MICALL2: variants seen among roughly 807,000 people sequenced by gnomAD.
The protein encoded by MICALL2 is MICAL like 2.
MICALL2 carries 111 observed loss-of-function variants against 91.1 expected under a neutral mutation model. The ratio of observed to expected loss-of-function variants is 1.22; its 90% CI spans 1.04 to 1.43. The LOEUF is 1.43. Ranked by LOEUF, MICALL2 falls within the 40% of genes most tolerant of loss-of-function variation. MICALL2 has a pLI of 0.00. For missense variants in MICALL2, 1,556 were observed against 1,236.0 expected (o/e 1.26, Z -3.88); for synonymous variants, 694 against 525.3 (o/e 1.32, Z -4.39).
At chr7:1,435,932 G>A (rs1392340126) in intron 15 of MICALL2, among the ~76,000 whole-genome samples, 5 of 150,860 alleles carry the variant, frequency 3.3e-5, no homozygotes, top group African/African-American at 4.9e-5. Context: ...GGCGCCTGTA[G>A]TCCCAGCTAC....
Position 1,459,194 on chromosome 7 carries a change from G to T in MICALL2, c.133C>A (p.Pro45Thr), listed in dbSNP as rs756650881. 7.5e-6 allele frequency: 12 copies of T among 1,610,068 alleles called. No individual in the cohort carries two copies. Among genetic ancestry groups the T allele is most frequent in the Admixed American group, 1.7e-5 (1 of 59,642 alleles). ...CCAGGCAGGACTTACATGAGGTCGG[G>T]CCGGTGGCGGTGCAGGATGGCGCAG... ...AFCAILHRHRPDLINFSALKK... is the reference protein window; with the variant it reads ...AFCAILHRHRTDLINFSALKK... Residue 45 changes from proline to threonine, a missense_variant, in exon 1 of 17, where the codon CCC (proline) becomes ACC (threonine). By Grantham distance (38) the Pro-to-Thr change is conservative. Transcript: ENST00000297508.
intron 1 of MICALL2, among the ~76,000 whole-genome samples, chr7:1,454,066 C>T (rs1052447065): frequency 9.9e-5 from 15 of 151,442 alleles, no homozygotes; most frequent in South Asian, 4.2e-4. Context: ...GCCTCTGCCC[C>T]GGCGCCTCTG....
intron 8 of MICALL2, chr7:1,440,337 C>A (rs1780219390): frequency 1.6e-6 from 1 of 620,356 alleles, no homozygotes; most frequent in Non-Finnish European, 2.8e-6. Context: ...CATGGGGAGA[C>A]TCCACCCCAG....
chr7:1,438,901 C>G lies in MICALL2; in HGVS notation c.2061G>C (p.Gln687His). ...CCTTCCAGCTCTGCACTCGGGCTTCCTGGCCAGGGGGCTCCGGCCGAAGCC... is the reference window on the plus strand; with the variant it reads ...CCTTCCAGCTCTGCACTCGGGCTTCGTGGCCAGGGGGCTCCGGCCGAAGCC... ...DNWLRPEPPG[Q>H]EARVQSWKEE... The change falls in exon 10 of 17, where the codon CAG (glutamine) becomes CAC (histidine). Residue 687 changes from glutamine to histidine, a missense_variant. By Grantham distance (24) the Gln-to-His change is conservative. Transcript: ENST00000297508. The G allele has an allele frequency of 6.2e-7, 1 of 1,610,462 alleles. No individual in the cohort carries two copies. The highest frequency in any genetic ancestry group is 8.5e-7 in the Non-Finnish European group (1 of 1,179,532).
intron 8 of MICALL2, 46 bp downstream of exon 8, chr7:1,440,545 C>T: frequency 2.0e-6 from 3 of 1,511,222 alleles, no homozygotes; most frequent in Admixed American, 3.3e-5. Context: ...ATTTATTAAG[C>T]ACCTATGGTG....
At position 1,458,273 on chromosome 7, in the gene MICALL2, C is replaced by T. The variant is rs554649706; in HGVS notation, c.143+911G>A. On this transcript the variant is annotated intron_variant, in intron 1 of 16. Transcript: ENST00000297508. ...CTCGGTTCTCTGGTCTGCACAGCTG[C>T]GGCCTGACAGAGGCCCCAGGTGCTG... Among the ~76,000 whole-genome samples the T allele has an allele frequency of 9.0e-4, 137 of 152,300 alleles. 1 individual carries two copies. Among genetic ancestry groups the T allele is most frequent in the African/African-American group, 3.2e-3 (135 of 41,574 alleles).
rs781240425 is a variant in MICALL2 at position 1,448,725 on chromosome 7, C to T, written c.229G>A (p.Ala77Thr). Reference protein sequence around the residue: ...RVAEEHLGIPALLDAEDMVAL... With the variant: ...RVAEEHLGIPTLLDAEDMVAL... ...ACCATGTCCTCGGCATCCAGCAAGG[C>T]TGGGATGCCCAAGTGCTCCTCGGCC... The change falls in exon 3 of 17, where the codon GCC (alanine) becomes ACC (threonine). Residue 77 changes from alanine (A) to threonine (T), a missense_variant. Ala to Thr is a moderately conservative substitution (Grantham distance 58). Coordinates refer to ENST00000297508, the MANE Select transcript of MICALL2 (RefSeq NM_182924.4). The T allele has an allele frequency of 1.9e-6, 3 of 1,612,620 alleles. No individual in the cohort carries two copies. Among genetic ancestry groups the T allele is most frequent in the African/African-American group, 1.3e-5 (1 of 74,938 alleles).
At chr7:1,437,657 C>G (rs1344284895) in intron 13 of MICALL2, 49 bp from the exon 14 acceptor site, 82 of 1,516,498 alleles carry the variant, frequency 5.4e-5, no homozygotes, top group Non-Finnish European at 7.0e-5. Flanking sequence ...CCCTGTCCCC[C>G]GCCTGGCCCG....
chr7:1,447,710 T>A lies in MICALL2; in HGVS notation c.390A>T (p.Ser130=). 1 of 1,576,992 alleles carries A rather than the reference T, an allele frequency of 6.3e-7. No homozygotes were observed. Among genetic ancestry groups the A allele is most frequent in the Non-Finnish European group, 8.6e-7 (1 of 1,162,224 alleles). Reference sequence around the variant, plus strand: ...CCGCCTGGACTGGAGCCTTCTTCCCTGACGGCTCCTCCTCAGAGTCCTCCG... The same window carrying A: ...CCGCCTGGACTGGAGCCTTCTTCCCAGACGGCTCCTCCTCAGAGTCCTCCG... The part of the protein sequence containing the change: ...RASEDSEEEP[S]GKKAPVQAAK... Residue 130 remains serine (S), a synonymous_variant, in exon 4 of 17, where the codon TCA becomes TCT. Transcript: ENST00000297508.
chr7:1,437,524 G>C lies in MICALL2; in HGVS notation c.2476+11C>G. 6.6e-7 allele frequency: 1 copy of C among 1,514,362 alleles called. No individual in the cohort carries two copies. Among genetic ancestry groups the C allele is most frequent in the Non-Finnish European group, 8.8e-7 (1 of 1,139,350 alleles). The allele number at this position is 1,514,362 out of a possible 1,614,324, so 93.8% of individuals were successfully genotyped here. ...GGCTGGGGCCCCTTGGCTGGCGCGC[G>C]GGGGACGCACCGGGCTTGGCCATGA... On this transcript the variant is annotated intron_variant, in intron 14 of 16. Transcript: ENST00000297508.
chr7:1,434,970 G>A, intron 16 of MICALL2, 131 bp downstream of exon 16: 1 of 899,276 alleles, frequency 1.1e-6, no homozygotes, highest in Admixed American at 2.0e-5. Context: ...AGGCTGAGGG[G>A]GGGACCCGAT....
At chr7:1,450,341 G>A (rs967315660) in intron 1 of MICALL2, 53 bp from the exon 2 acceptor site, 22 of 1,482,506 alleles carry the variant, frequency 1.5e-5, no homozygotes, top group Middle Eastern at 1.7e-4. Flanking sequence ...CGAAGGGAGG[G>A]GCTGGAGGGC....
At chr7:1,439,365 C>CG in intron 9 of MICALL2, 4 of 239,048 alleles carry the variant, frequency 1.7e-5, no homozygotes, top group South Asian at 9.6e-5. Flanking sequence ...ATTCATGAAA[C>CG]AGATCCACAC....
At chr7:1,442,594 C>G in intron 6 of MICALL2, 110 bp from the exon 7 acceptor site, 1 of 1,102,394 alleles carries the variant, frequency 9.1e-7, no homozygotes, top group Non-Finnish European at 1.3e-6. Context: ...GCCCAGCCTC[C>G]GGACGGACTC....
intron 4 of MICALL2, 65 bp downstream of exon 4, chr7:1,447,510 A>G: frequency 1.1e-6 from 1 of 949,924 alleles, no homozygotes; most frequent in Non-Finnish European, 1.5e-6. Context: ...TAGTCCCACA[A>G]GCCCCTTCTG....
chr7:1,443,106 T>TC (rs1469992073), intron 6 of MICALL2, among the ~76,000 whole-genome samples: 1 of 99,902 alleles, frequency 1.0e-5, no homozygotes, highest in Non-Finnish European at 1.9e-5. Context: ...ACAACCAGTT[T>TC]CCCTCCCCCC....
rs763924824 is a variant in MICALL2, at chr7:1,438,908, G to A, written c.2054C>T (p.Pro685Leu). Residue 685 changes from proline to leucine, a missense_variant, in exon 10 of 17, where the codon CCT (proline) becomes CTT (leucine). Pro to Leu is a moderately conservative substitution (Grantham distance 98). Coordinates refer to ENST00000297508, the MANE Select transcript of MICALL2 (RefSeq NM_182924.4). ...GCTCTGCACTCGGGCTTCCTGGCCA[G>A]GGGGCTCCGGCCGAAGCCAGTTGTC... ...VCDNWLRPEPPGQEARVQSWK... is the reference protein window; with the variant it reads ...VCDNWLRPEPLGQEARVQSWK... The A allele has an allele frequency of 1.9e-6, 3 of 1,609,422 alleles. No individual in the cohort carries two copies. The highest frequency in any genetic ancestry group is 2.5e-6 in the Non-Finnish European group (3 of 1,179,482).
chr7:1,434,668 G>C lies in MICALL2; in HGVS notation c.2643C>G (p.Leu881=), dbSNP rs768107079. 6.4e-7 allele frequency: 1 copy of C among 1,558,860 alleles called. No homozygotes were observed. The highest frequency in any genetic ancestry group is 1.2e-5 in the South Asian group (1 of 82,800). Residue 881 remains leucine, a synonymous_variant, in exon 17 of 17, where the codon CTC becomes CTG. Transcript: ENST00000297508. ...AGCGGAACTTGGACTTCTTCCTCTG[G>C]AGGCCTAGGGGACAGGTGGACAGTG... ...MLRDMIEKLG[L]QRKKSKFRLS... is the part of the protein sequence containing the mutation.
rs1444484900 is a variant in MICALL2 at position 1,438,666 on chromosome 7, G to A, written c.2122+174C>T. 1.2e-5 allele frequency: 17 copies of A among 1,438,366 alleles called. No individual in the cohort carries two copies. In the Admixed American group the frequency reaches 2.0e-4, roughly 17 times the overall value. The allele number at this position is 1,438,366 out of a possible 1,614,324, so 89.1% of individuals were successfully genotyped here. A position where few individuals can be genotyped will look rare whatever the true frequency, so the allele number is the denominator to read the frequency against. On this transcript the variant is annotated intron_variant, in intron 10 of 16. Coordinates refer to ENST00000297508, the MANE Select transcript of MICALL2 (RefSeq NM_182924.4). The stretch of plus-strand genomic sequence containing the variant: ...GTAACAAGGTACTCTGAAACAGCTA[G>A]GGTCTCTATTCATGAGGGCGGGCCT...
Sources: allele counts gnomAD v4.1 joint callset (sites outside exome capture counted in the v4.1 genomes callset), GRCh38; gene constraint gnomAD v4.1.1; transcripts MANE v1.5; gene names NCBI Gene and HGNC (gene_info 2026-07-23, HGNC 2026-07-21).